Variants in CNTLN observed in about 807,000 individuals in gnomAD.
CNTLN encodes the protein centlein, also known as centlein, centrosomal protein.
In CNTLN, 212 loss-of-function variants were observed where a neutral mutation model predicts 180.0. That is an observed-to-expected ratio of 1.18 (90% CI 1.05 to 1.32). The LOEUF (loss-of-function observed/expected upper bound fraction) is 1.32, where lower values mean the gene tolerates loss of function less well. CNTLN is among the 40% of genes most tolerant of loss of function. The pLI, the probability that CNTLN is intolerant of heterozygous loss-of-function variation, is 0.00. For missense variants in CNTLN, 2,095 were observed against 1,610.9 expected (o/e 1.30, Z -5.14); for synonymous variants, 722 against 563.1 (o/e 1.28, Z -3.99).
At chr9:17,457,953 A>G (rs1324026325) in intron 19 of CNTLN, among the ~76,000 whole-genome samples, 4 of 152,020 alleles carry the variant, frequency 2.6e-5, no homozygotes, top group Non-Finnish European at 5.9e-5. Context: ...GAGCTGATTT[A>G]AACTGGCCAA....
At chr9:17,164,435 C>T (rs10962886) in intron 2 of CNTLN, among the ~76,000 whole-genome samples, 40,527 of 127,656 alleles carry the variant, frequency 0.32, 8,352 homozygotes, top group East Asian at 0.59. Context: ...AACATCAAAT[C>T]TATAGAACTC....
intron 13 of CNTLN, among the ~76,000 whole-genome samples, chr9:17,377,736 T>C (rs540537715): frequency 6.6e-6 from 1 of 152,336 alleles, no homozygotes; most frequent in East Asian, 1.9e-4. Context: ...TACTCATTTA[T>C]AGAATCAGTG....
chr9:17,521,341 T>C, the CNTLN span, among the ~76,000 whole-genome samples: 1 of 149,830 alleles, frequency 6.7e-6, no homozygotes, highest in African/African-American at 2.5e-5. Context: ...AAGGCACTAA[T>C]AGAGCAATCT....
At chr9:17,276,914 A>G (rs1479205916) in intron 6 of CNTLN, among the ~76,000 whole-genome samples, 1 of 152,094 alleles carries the variant, frequency 6.6e-6, no homozygotes, top group East Asian at 1.9e-4. Context: ...TTGTGGAAGC[A>G]GAAACCACAG....
chr9:17,209,823 A>G (rs1587155693), intron 2 of CNTLN, among the ~76,000 whole-genome samples: 1 of 152,346 alleles, frequency 6.6e-6, no homozygotes, highest in East Asian at 1.9e-4. Flanking sequence ...AGATTGAGGT[A>G]TCTGCATTTT....
chr9:17,264,604 G>A, intron 5 of CNTLN, among the ~76,000 whole-genome samples: 1 of 152,122 alleles, frequency 6.6e-6, no homozygotes, highest in East Asian at 1.9e-4. Context: ...GCTTGATGGG[G>A]ATGACATTGA....
chr9:17,454,137 T>C (rs1382874699), intron 18 of CNTLN, among the ~76,000 whole-genome samples: 3 of 152,212 alleles, frequency 2.0e-5, no homozygotes, highest in Non-Finnish European at 4.4e-5. Context: ...AGAGTAAGTT[T>C]TTCAGTACAT....
intron 18 of CNTLN, among the ~76,000 whole-genome samples, chr9:17,429,678 T>A (rs1297219200): frequency 6.6e-6 from 1 of 151,982 alleles, no homozygotes; most frequent in East Asian, 1.9e-4. Flanking sequence ...GGTAAATGAC[T>A]TATCCATGGG....
chr9:17,364,573 A>G (rs1474897588), intron 12 of CNTLN, among the ~76,000 whole-genome samples: 1 of 152,002 alleles, frequency 6.6e-6, no homozygotes, highest in East Asian at 1.9e-4. Context: ...GGTGAAAGTA[A>G]TTTTGATTAT....
chr9:17,146,570 G>A (rs560145868), intron 2 of CNTLN, among the ~76,000 whole-genome samples: 11 of 152,190 alleles, frequency 7.2e-5, no homozygotes, highest in African/African-American at 2.6e-4. Flanking sequence ...TGCCATGTGA[G>A]GATACAGAAG....
At chr9:17,423,444 T>C (rs1257444810) in intron 18 of CNTLN, among the ~76,000 whole-genome samples, 1 of 151,510 alleles carries the variant, frequency 6.6e-6, no homozygotes, top group East Asian at 1.9e-4. Flanking sequence ...CAAGACAAAG[T>C]ACTCTTTACT....
intron 23 of CNTLN, among the ~76,000 whole-genome samples, chr9:17,474,099 A>G (rs1337782687): frequency 6.6e-6 from 1 of 151,950 alleles, no homozygotes; most frequent in Non-Finnish European, 1.5e-5. Flanking sequence ...TCTCTAGACA[A>G]TCTGTACCAA....
At chr9:17,194,472 G>T (rs1489150230) in intron 2 of CNTLN, among the ~76,000 whole-genome samples, 1 of 152,096 alleles carries the variant, frequency 6.6e-6, no homozygotes, top group African/African-American at 2.4e-5. Context: ...GCAAAATGCC[G>T]CCAGTTTCTT....
At chr9:17,462,860 C>A in intron 19 of CNTLN, 56 bp from the exon 20 acceptor site, 1 of 765,624 alleles carries the variant, frequency 1.3e-6, no homozygotes, top group Non-Finnish European at 2.0e-6. Flanking sequence ...TATTTTTATG[C>A]TGCCTTAGAC....
intron 18 of CNTLN, among the ~76,000 whole-genome samples, chr9:17,435,838 C>T (rs1171266146): frequency 6.6e-6 from 1 of 152,158 alleles, no homozygotes; most frequent in African/African-American, 2.4e-5. Flanking sequence ...GCTAGGATTA[C>T]ACGTGTAAGC....
Position 17,409,283 on chromosome 9 carries a change from T to A in CNTLN, c.2616-10T>A. 6.2e-7 allele frequency: 1 copy of A among 1,602,592 alleles called. No homozygotes were observed. The highest frequency in any genetic ancestry group is 8.5e-7 in the Non-Finnish European group (1 of 1,177,060). On this transcript the variant is annotated splice_polypyrimidine_tract_variant and intron_variant, in intron 15 of 25. Transcript: ENST00000380647. ...TCTTGGATTTTATGTCCCTACTTTTTTCTAAAAAGCAGTGATTCTGAAGCA... is the reference window on the plus strand; with the variant it reads ...TCTTGGATTTTATGTCCCTACTTTTATCTAAAAAGCAGTGATTCTGAAGCA...
chr9:17,219,282 A>G (rs1414098824), intron 2 of CNTLN, among the ~76,000 whole-genome samples: 1 of 151,540 alleles, frequency 6.6e-6, no homozygotes, highest in Non-Finnish European at 1.5e-5. Flanking sequence ...TCTTGTAAGT[A>G]CATAGAAGTA....
Position 17,318,858 on chromosome 9 carries a change from A to G in CNTLN, c.1341+9606A>G, listed in dbSNP as rs1168277648. On this transcript the variant is annotated intron_variant, in intron 8 of 25. Coordinates refer to ENST00000380647, the MANE Select transcript of CNTLN (RefSeq NM_017738.4). ...CTTTATTCCATCCATCCATCCATCC[A>G]TCCATCCATCCATCCATCCATTAAA... 2.0e-5 allele frequency among the ~76,000 whole-genome samples: 3 copies of G among 150,208 alleles called. No individual in the cohort carries two copies. The Admixed American group carries it at 2.0e-4, about 10-fold the overall frequency.
At chr9:17,319,052 A>G (rs1819731496) in intron 8 of CNTLN, among the ~76,000 whole-genome samples, 2 of 152,250 alleles carry the variant, frequency 1.3e-5, no homozygotes, top group African/African-American at 4.8e-5. Flanking sequence ...AACAAATAGG[A>G]ACCTGTGGAA....
Sources: allele counts gnomAD v4.1 joint callset (sites outside exome capture counted in the v4.1 genomes callset), GRCh38; gene constraint gnomAD v4.1.1; transcripts MANE v1.5; gene names NCBI Gene and HGNC (gene_info 2026-07-23, HGNC 2026-07-21).